The following ZNF398 variants were observed in gnomAD, a reference collection of about 807,000 sequenced individuals.
The protein encoded by ZNF398 is zinc finger protein 398.
A neutral mutation model predicts 41.9 loss-of-function variants in ZNF398; 18 were observed. The observed-to-expected ratio is 0.43, with a 90% confidence interval of 0.30 to 0.64. ZNF398 has a LOEUF of 0.64. Ranked by LOEUF, ZNF398 falls within the 30% of genes least tolerant of loss-of-function variation. ZNF398 has a pLI of 0.14. For missense variants in ZNF398, 669 were observed against 822.8 expected (o/e 0.81, Z 2.29); for synonymous variants, 260 against 308.8 (o/e 0.84, Z 1.66).
intron 5 of ZNF398, among the ~76,000 whole-genome samples, chr7:149,178,099 G>A (rs1795500633): frequency 6.6e-6 from 1 of 152,168 alleles, no homozygotes; most frequent in South Asian, 2.1e-4. Flanking sequence ...AGACCATCCT[G>A]GCTAACACAG....
At position 149,153,939 on chromosome 7, in the gene ZNF398, A is replaced by G; in HGVS notation, c.25-6A>G. ...ATGTCTTGTTCCATCTTTCCACTGC[A>G]TGCAGACATCTGAATGGGACTCCGA... On this transcript the variant is annotated splice_region_variant and splice_polypyrimidine_tract_variant and intron_variant, in intron 1 of 5. Transcript: ENST00000475153. 1 of 1,602,854 alleles carries G rather than the reference A, an allele frequency of 6.2e-7. No homozygotes were observed. The highest frequency in any genetic ancestry group is 1.7e-5 in the Admixed American group (1 of 57,990).
intron 5 of ZNF398, among the ~76,000 whole-genome samples, chr7:149,177,278 T>TA (rs765527410): frequency 6.6e-6 from 1 of 152,068 alleles, no homozygotes; most frequent in Non-Finnish European, 1.5e-5. Context: ...GTGGACGACT[T>TA]ATATAAATGA....
chr7:149,162,903 G>A (rs1246975641), intron 2 of ZNF398, among the ~76,000 whole-genome samples: 4 of 146,528 alleles, frequency 2.7e-5, no homozygotes, highest in Non-Finnish European at 6.0e-5. Context: ...GGGGAGGGGG[G>A]CGGCGGAGGT....
At position 149,179,719 on chromosome 7, in the gene ZNF398, A is replaced by C. The variant is rs1351627069; in HGVS notation, c.1847A>C (p.Glu616Ala). Residue 616 changes from glutamate to alanine, a missense_variant, in exon 6 of 6, where the codon GAA (glutamate) becomes GCA (alanine). By Grantham distance (107) the Glu-to-Ala change is moderately radical (BLOSUM62 -1). Around this residue, in one of 3 missense-constraint regions of ZNF398, gnomAD observed 210 missense variants for 290.4 expected, o/e 0.72. Transcript: ENST00000475153. The surrounding 1 kb of genome is among the most constrained non-coding windows in gnomAD (Gnocchi z 6.1). ...CCAGGTCCCCTCATAACTGGGCTTG[A>C]AACTTCTGGCCTGGGTGTCAACACT... ...NPPGPLITGL[E>A]TSGLGVNTEG... The C allele has an allele frequency of 1.2e-6, 2 of 1,614,100 alleles. No individual in the cohort carries two copies. Among genetic ancestry groups the C allele is most frequent in the South Asian group, 2.2e-5 (2 of 91,078 alleles).
Position 149,137,926 on chromosome 7 carries a change from G to A in ZNF398, c.-490+8982G>A, listed in dbSNP as rs1037189986. ...GTTTTCGAAAAATATTTGGCTGGGC[G>A]CAGTGGCTCACGCCTGCAATCCCAG... On this transcript the variant is annotated intron_variant, in intron 2 of 6. Coordinates refer to the ZNF398 transcript ENST00000426851. Among the ~76,000 whole-genome samples the A allele has an allele frequency of 5.9e-5, 9 of 152,200 alleles. 1 individual carries two copies. The South Asian group carries it at 1.2e-3, about 21-fold the overall frequency.
At chr7:149,173,288 G>A (rs536849224) in intron 4 of ZNF398, among the ~76,000 whole-genome samples, 2 of 151,198 alleles carry the variant, frequency 1.3e-5, no homozygotes, top group Non-Finnish European at 2.9e-5. Context: ...TGTATTTTTA[G>A]TAGAGACGGG....
rs1827088294 is a variant in ZNF398, at chr7:149,150,698, C to T, written c.24+2932C>T. ...AGATCTCCAGGTGATTCTTCCCCGC[C>T]TCCCGCGCCCCCCCGCCTCCCCTCC... On this transcript the variant is annotated intron_variant, in intron 1 of 5. Transcript: ENST00000475153. 6.0e-5 allele frequency among the ~76,000 whole-genome samples: 6 copies of T among 100,566 alleles called. No individual in the cohort carries two copies. In the South Asian group the frequency reaches 1.4e-3, roughly 24 times the overall value. The allele number at this position is 100,566 out of a possible 152,430, so 66.0% of individuals were successfully genotyped here.
At chr7:149,170,486 C>T (rs1361785583) in intron 4 of ZNF398, among the ~76,000 whole-genome samples, 1 of 152,000 alleles carries the variant, frequency 6.6e-6, no homozygotes, top group Non-Finnish European at 1.5e-5. Flanking sequence ...GCCTATAATC[C>T]CAGCACTTTG....
In ZNF398 at chr7:149,147,885, C is replaced by T. The variant is rs1322354377; in HGVS notation, c.24+119C>T. The T allele has an allele frequency of 5.1e-6, 6 of 1,182,238 alleles. No homozygotes were observed. The highest frequency in any genetic ancestry group is 6.5e-6 in the Non-Finnish European group (6 of 927,300). 73.2% of individuals were successfully genotyped at this position (1,182,238 alleles called of 1,614,324 possible). ...CGTTCTCGGGTCCCGCCGGCCACGTCGCCTGTCGCCCGTGCTTGGCGGCTG... is the reference window on the plus strand; with the variant it reads ...CGTTCTCGGGTCCCGCCGGCCACGTTGCCTGTCGCCCGTGCTTGGCGGCTG... On this transcript the variant is annotated intron_variant, in intron 1 of 5. Transcript: ENST00000475153. The surrounding 1 kb of genome is among the most constrained non-coding windows in gnomAD (Gnocchi z 5.6).
At chr7:149,138,580 A>AAAAAC (rs1157441465) in intron 2 of ZNF398, among the ~76,000 whole-genome samples, 1 of 152,202 alleles carries the variant, frequency 6.6e-6, no homozygotes, top group East Asian at 1.9e-4. Flanking sequence ...ACTCCATCTC[A>AAAAAC]AAAACAAAAC....
chr7:149,144,314 A>C (rs1355983254), upstream of ZNF398, among the ~76,000 whole-genome samples: 1 of 152,076 alleles, frequency 6.6e-6, no homozygotes, highest in Non-Finnish European at 1.5e-5. Context: ...TGAAAACTTT[A>C]CTACTTTTTT....
Position 149,154,084 on chromosome 7 carries a change from G to A in ZNF398, c.164G>A (p.Arg55Lys). 1 of 1,614,086 alleles carries A rather than the reference G, an allele frequency of 6.2e-7. No individual in the cohort carries two copies. Among genetic ancestry groups the A allele is most frequent in the Non-Finnish European group, 8.5e-7 (1 of 1,179,952 alleles). ...TVVAAVQAIE[R>K]KVEIHSRRLL... Reference sequence around the variant, plus strand: ...GTGGCCGCCGTGCAGGCTATAGAGAGGAAGGTGGAGATCCACAGCCGGCGA... The same window carrying A: ...GTGGCCGCCGTGCAGGCTATAGAGAAGAAGGTGGAGATCCACAGCCGGCGA... The change falls in exon 2 of 6, where the codon AGG (arginine) becomes AAG (lysine). Residue 55 changes from arginine to lysine, a missense_variant. By Grantham distance (26) the Arg-to-Lys change is conservative. This residue lies in a region of ZNF398 where 169 missense variants were observed against 239.5 expected (regional missense o/e 0.71). Transcript: ENST00000475153.
chr7:149,145,905 C>G (rs990960554), upstream of ZNF398, among the ~76,000 whole-genome samples: 5 of 149,320 alleles, frequency 3.3e-5, no homozygotes, highest in African/African-American at 1.2e-4. Flanking sequence ...TGACTTAAAA[C>G]ACAACCTCAC....
chr7:149,179,971 A>G lies in ZNF398; in HGVS notation c.*170A>G. 1.7e-6 allele frequency: 1 copy of G among 600,032 alleles called. No individual in the cohort carries two copies. Among genetic ancestry groups the G allele is most frequent in the South Asian group, 3.3e-5 (1 of 29,858 alleles). 37.2% of individuals were successfully genotyped at this position (600,032 alleles called of 1,614,324 possible). On this transcript the variant is annotated 3_prime_UTR_variant, in exon 6 of 6. Transcript: ENST00000475153. The surrounding 1 kb of genome is among the most constrained non-coding windows in gnomAD (Gnocchi z 6.1). ...ACATGCTTGTGTTTTGGAATTTCAC[A>G]CCCTTACAAGAATACCACATTTTGA...
chr7:149,171,229 TTA>T (rs1173911526), intron 4 of ZNF398, among the ~76,000 whole-genome samples: 1 of 151,572 alleles, frequency 6.6e-6, no homozygotes, highest in East Asian at 1.9e-4. Flanking sequence ...TAATACTACT[TTA>T]TAATATAGTA....
At position 149,130,843 on chromosome 7, in the gene ZNF398, C is replaced by T. The variant is rs533903859; in HGVS notation, c.-490+1899C>T. 2.4e-4 allele frequency among the ~76,000 whole-genome samples: 37 copies of T among 152,198 alleles called. No homozygotes were observed. The South Asian group carries it at 7.3e-3, about 30-fold the overall frequency. ...GGGAGATCAGTCTCAAATCCATCTC[C>T]CTGACAGGCTAAAATGAGCGGCTTC... is the stretch of plus-strand genomic sequence containing the variant. On this transcript the variant is annotated intron_variant, in intron 2 of 6. Coordinates refer to the ZNF398 transcript ENST00000426851.
chr7:149,164,755 G>A (rs1162498463), intron 2 of ZNF398, among the ~76,000 whole-genome samples: 1 of 152,172 alleles, frequency 6.6e-6, no homozygotes, highest in Admixed American at 6.6e-5. Flanking sequence ...GAAAATGAAA[G>A]TGGATCATGA....
At chr7:149,158,394 CT>C (rs1348987849) in intron 2 of ZNF398, among the ~76,000 whole-genome samples, 1 of 152,108 alleles carries the variant, frequency 6.6e-6, no homozygotes, top group East Asian at 1.9e-4. Flanking sequence ...TGATCAACAA[CT>C]TTTTCAGATT....
In ZNF398 at chr7:149,163,193, G is replaced by GTTTT. The variant is rs202227065; in HGVS notation, c.421-2964_421-2961dup. Among the ~76,000 whole-genome samples, 11 of 148,784 alleles carry GTTTT rather than the reference G, an allele frequency of 7.4e-5. No individual in the cohort carries two copies. The South Asian group carries it at 1.9e-3, about 26-fold the overall frequency. ...CAATCAAACAATGAACAAAATACCT[G>GTTTT]TTTTGTTTGTTTGTTTGTTTGTTTT... On this transcript the variant is annotated intron_variant, in intron 2 of 5. Transcript: ENST00000475153.
Sources: allele counts gnomAD v4.1 joint callset (sites outside exome capture counted in the v4.1 genomes callset), GRCh38; gene constraint gnomAD v4.1.1; regional missense constraint gnomAD v4.1.1; non-coding constraint Gnocchi (gnomAD v3.1); transcripts MANE v1.5; gene names NCBI Gene and HGNC (gene_info 2026-07-23, HGNC 2026-07-21).